ACOXL: variants seen among roughly 807,000 people sequenced by gnomAD.
ACOXL encodes acyl-CoA oxidase like.
Under a neutral mutation model 71.9 loss-of-function variants are expected in ACOXL, and 70 were observed. The observed-to-expected ratio is 0.97, with a 90% CI of 0.80 to 1.19. The LOEUF is 1.19. ACOXL is among the 50% of genes most tolerant of loss of function. The pLI, the probability that ACOXL is intolerant of heterozygous loss-of-function variation, is 0.00. For synonymous variants in ACOXL, 253 were observed against 281.6 expected (o/e 0.90, Z 1.02); for missense variants, 703 against 736.3 (o/e 0.95, Z 0.52).
intron 12 of ACOXL, chr2:110,963,576 TGTGTG>T: frequency 1.5e-5 from 17 of 1,155,182 alleles, no homozygotes; most frequent in Non-Finnish European, 2.0e-5. Flanking sequence ...TGTGTGTGTG[TGTGTG>T]TGTGTGTGTG....
chr2:111,072,329 G>A (rs1056268181), intron 16 of ACOXL, among the ~76,000 whole-genome samples: 2 of 152,016 alleles, frequency 1.3e-5, no homozygotes, highest in Non-Finnish European at 2.9e-5. Context: ...CCATATAAAT[G>A]TAATCATACA....
chr2:110,987,171 C>T lies in ACOXL; in HGVS notation c.1123C>T (p.Leu375=), dbSNP rs866480687. The T allele has an allele frequency of 6.3e-7, 1 of 1,579,932 alleles. No individual in the cohort carries two copies. Among genetic ancestry groups the T allele is most frequent in the Admixed American group, 1.8e-5 (1 of 56,144 alleles). ...KQYEEKPLFG[L]LQNWAESVGD... ...GTATGAAGAAAAACCACTCTTTGGC[C>T]TGCTCCAAAACTGGGCTGAATCTGT... Residue 375 remains leucine (L), a synonymous_variant, in exon 13 of 18, where the codon CTG becomes TTG. Transcript: ENST00000439055.
intron 12 of ACOXL, among the ~76,000 whole-genome samples, chr2:110,957,461 G>A (rs1302696018): frequency 2.0e-5 from 3 of 152,156 alleles, no homozygotes; most frequent in Non-Finnish European, 4.4e-5. Flanking sequence ...CCATAGACTG[G>A]GTGGATTACA....
At chr2:110,859,812 C>T (rs928698620) in intron 10 of ACOXL, among the ~76,000 whole-genome samples, 2 of 152,200 alleles carry the variant, frequency 1.3e-5, no homozygotes, top group Admixed American at 6.5e-5. Flanking sequence ...CTGAGGGTGG[C>T]AACCAAGTTC....
intron 10 of ACOXL, among the ~76,000 whole-genome samples, chr2:110,843,403 CAGGCAGAT>C (rs1162431867): frequency 1.3e-5 from 2 of 152,182 alleles, no homozygotes; most frequent in African/African-American, 4.8e-5. Flanking sequence ...CCAGCTGACT[CAGGCAGAT>C]GCCCCTGGTA....
At chr2:111,059,126 A>G (rs1336606129) in intron 16 of ACOXL, among the ~76,000 whole-genome samples, 1 of 152,218 alleles carries the variant, frequency 6.6e-6, no homozygotes, top group African/African-American at 2.4e-5. Context: ...AGTTCCAGTT[A>G]TTCAGGAGGT....
chr2:110,843,692 C>T (rs753290729), intron 10 of ACOXL, among the ~76,000 whole-genome samples: 1 of 152,244 alleles, frequency 6.6e-6, no homozygotes, highest in African/African-American at 2.4e-5. Context: ...CCAGCCCCCA[C>T]GTTCTGTGCT....
chr2:111,026,794 A>T (rs1336449205), intron 14 of ACOXL, among the ~76,000 whole-genome samples: 1 of 152,210 alleles, frequency 6.6e-6, no homozygotes, highest in Non-Finnish European at 1.5e-5. Flanking sequence ...CAGTGCAGTG[A>T]GAAGAGATCA....
intron 10 of ACOXL, among the ~76,000 whole-genome samples, chr2:110,907,335 A>G (rs2059490652): frequency 6.6e-6 from 1 of 152,238 alleles, no homozygotes; most frequent in Non-Finnish European, 1.5e-5. Context: ...ATCTCCAAAT[A>G]GTCACATTGG....
At chr2:110,790,502 A>G (rs1190209836) in intron 3 of ACOXL, among the ~76,000 whole-genome samples, 1 of 152,132 alleles carries the variant, frequency 6.6e-6, no homozygotes, top group African/African-American at 2.4e-5. Context: ...TCTTCTCCTG[A>G]TAAGTGGGAA....
intron 12 of ACOXL, among the ~76,000 whole-genome samples, chr2:110,946,146 A>G (rs1300153326): frequency 6.6e-6 from 1 of 152,164 alleles, no homozygotes; most frequent in Non-Finnish European, 1.5e-5. Flanking sequence ...TTTTGTGGCA[A>G]TTGTGAATAG....
chr2:110,825,034 T>G (rs1689010500), intron 9 of ACOXL, among the ~76,000 whole-genome samples: 1 of 152,242 alleles, frequency 6.6e-6, no homozygotes, highest in Non-Finnish European at 1.5e-5. Flanking sequence ...TGGGTTCAAG[T>G]CTCAGTTCAA....
intron 15 of ACOXL, among the ~76,000 whole-genome samples, chr2:111,037,255 G>A (rs1018817023): frequency 1.3e-5 from 2 of 152,178 alleles, no homozygotes; most frequent in African/African-American, 4.8e-5. Flanking sequence ...TTCTGAAGAA[G>A]TGCTGTCACA....
chr2:110,859,266 T>A (rs1693650184), intron 10 of ACOXL, among the ~76,000 whole-genome samples: 1 of 149,162 alleles, frequency 6.7e-6, no homozygotes, highest in Non-Finnish European at 1.5e-5. Flanking sequence ...GTGGCTTTTG[T>A]GGCAGTTGTG....
intron 11 of ACOXL, among the ~76,000 whole-genome samples, chr2:110,917,274 A>C (rs997947076): frequency 3.9e-5 from 6 of 152,240 alleles, no homozygotes; most frequent in Non-Finnish European, 8.8e-5. Context: ...AACATAATCC[A>C]TCACATAAAC....
intron 13 of ACOXL, 28 bp from the exon 14 acceptor site, chr2:110,995,865 A>G (rs776033862): frequency 6.2e-5 from 98 of 1,571,876 alleles, no homozygotes; most frequent in Admixed American, 1.2e-4. Flanking sequence ...CCAAAATAAT[A>G]ATGATGGTCA....
intron 10 of ACOXL, 32 bp downstream of exon 10, chr2:110,841,437 AT>A: frequency 3.8e-6 from 6 of 1,582,744 alleles, no homozygotes; most frequent in Non-Finnish European, 5.2e-6. Context: ...TCTTTTAAGA[AT>A]TATCCTTACC....
chr2:110,781,097 T>G (rs1000151030), intron 2 of ACOXL, among the ~76,000 whole-genome samples: 8 of 152,140 alleles, frequency 5.3e-5, no homozygotes, highest in Admixed American at 4.6e-4. Flanking sequence ...TAGAGGGGCA[T>G]GGGGATGCCT....
At chr2:110,899,784 C>G (rs2059154188) in intron 10 of ACOXL, among the ~76,000 whole-genome samples, 1 of 152,172 alleles carries the variant, frequency 6.6e-6, no homozygotes, top group Non-Finnish European at 1.5e-5. Context: ...ACATTAACCA[C>G]TCTGTCACTC....
Sources: allele counts gnomAD v4.1 joint callset (sites outside exome capture counted in the v4.1 genomes callset), GRCh38; gene constraint gnomAD v4.1.1; transcripts MANE v1.5; gene names NCBI Gene and HGNC (gene_info 2026-07-23, HGNC 2026-07-21).